WDR7: variants seen among roughly 807,000 people sequenced by gnomAD.
WDR7 encodes WD repeat domain 7.
In WDR7, 46 loss-of-function variants were observed where a neutral mutation model predicts 169.4. The observed-to-expected ratio is 0.27, with a 90% CI of 0.21 to 0.35. The LOEUF is 0.35. Ranked by LOEUF, WDR7 falls within the 10% of genes least tolerant of loss-of-function variation. WDR7 has a pLI of 1.00. For missense variants in WDR7, 1,534 were observed against 1,859.3 expected (o/e 0.83, Z 3.22); for synonymous variants, 612 against 666.8 (o/e 0.92, Z 1.27).
chr18:57,003,419 T>G (rs1002340182), intron 26 of WDR7, among the ~76,000 whole-genome samples: 2 of 152,114 alleles, frequency 1.3e-5, no homozygotes, highest in African/African-American at 4.8e-5. Flanking sequence ...AAAAGCACTC[T>G]TTTTAAAGTC....
intron 20 of WDR7, among the ~76,000 whole-genome samples, chr18:56,843,265 C>T (rs1410750934): frequency 1.3e-5 from 2 of 152,172 alleles, no homozygotes; most frequent in South Asian, 2.1e-4. Flanking sequence ...GCCAAATCAG[C>T]GGTGTTAAGT....
At chr18:56,703,558 G>A (rs1021398716) in intron 12 of WDR7, among the ~76,000 whole-genome samples, 1 of 152,078 alleles carries the variant, frequency 6.6e-6, no homozygotes. Flanking sequence ...ATAATGTTCT[G>A]TGTCATCCTT....
intron 23 of WDR7, among the ~76,000 whole-genome samples, chr18:56,937,834 C>G (rs2046980466): frequency 6.6e-6 from 1 of 152,144 alleles, no homozygotes; most frequent in African/African-American, 2.4e-5. Flanking sequence ...CTTAACTACT[C>G]TTAGCCCACT....
At chr18:56,843,056 C>G (rs1456106584) in intron 20 of WDR7, among the ~76,000 whole-genome samples, 1 of 152,124 alleles carries the variant, frequency 6.6e-6, no homozygotes, top group Non-Finnish European at 1.5e-5. Flanking sequence ...GGTGATTCAT[C>G]CCGTTACCTC....
At position 56,691,092 on chromosome 18, in the gene WDR7, T is replaced by C. The variant is rs142597917; in HGVS notation, c.718-124T>C. The C allele has an allele frequency of 3.7e-4, 494 of 1,351,864 alleles. 2 individuals carry two copies. In the African/African-American group the frequency reaches 7.0e-3, roughly 19 times the overall value. The allele number at this position is 1,351,864 out of a possible 1,614,324, so 83.7% of individuals were successfully genotyped here. On this transcript the variant is annotated intron_variant, in intron 7 of 27. Coordinates refer to ENST00000254442, the MANE Select transcript of WDR7 (RefSeq NM_015285.3). ...AGGGCTTATTGACAAACTTTCTTTA[T>C]CTGATGCAGCAAACTGAGTTTTCTA...
chr18:57,013,866 A>G (rs1226458939), intron 26 of WDR7, among the ~76,000 whole-genome samples: 1 of 152,228 alleles, frequency 6.6e-6, no homozygotes, highest in Non-Finnish European at 1.5e-5. Flanking sequence ...CAACAACTGT[A>G]CGAGTTTTTC....
At chr18:56,784,216 C>G (rs1303957623) in intron 19 of WDR7, among the ~76,000 whole-genome samples, 1 of 152,058 alleles carries the variant, frequency 6.6e-6, no homozygotes, top group South Asian at 2.1e-4. Context: ...GTGACAGACT[C>G]CAAAACTTAT....
rs1463929308 is a variant in WDR7, at chr18:57,010,636, TTAATC to T, written c.4165-10108_4165-10104del. On this transcript the variant is annotated intron_variant, in intron 26 of 27. Coordinates refer to ENST00000254442, the MANE Select transcript of WDR7 (RefSeq NM_015285.3). ...ATTTTCAAAGTATGATTCTATATAA[TTAATC>T]ATTTCAACATGCAAAGAAAAGACAT... is the stretch of plus-strand genomic sequence containing the variant. Among the ~76,000 whole-genome samples the T allele has an allele frequency of 2.0e-5, 3 of 151,990 alleles. No individual in the cohort carries two copies. The East Asian group carries it at 5.8e-4, about 29-fold the overall frequency.
rs925808255 is a variant in WDR7 at position 57,020,648 on chromosome 18, C to T, written c.4165-97C>T. The stretch of plus-strand genomic sequence containing the variant: ...AAAGAAGATAACAGCATCTAATACC[C>T]ATGACGTAACTTGTTCAACATTGAA... On this transcript the variant is annotated intron_variant, in intron 26 of 27. Coordinates refer to ENST00000254442, the MANE Select transcript of WDR7 (RefSeq NM_015285.3). 20 of 1,069,092 alleles carry T rather than the reference C, an allele frequency of 1.9e-5. No individual in the cohort carries two copies. In the East Asian group the frequency reaches 4.1e-4, roughly 22 times the overall value. The allele number at this position is 1,069,092 out of a possible 1,614,324, so 66.2% of individuals were successfully genotyped here. A position where few individuals can be genotyped will look rare whatever the true frequency, so the allele number is the denominator to read the frequency against.
At chr18:56,693,399 G>C (rs1432821634) in intron 9 of WDR7, among the ~76,000 whole-genome samples, 1 of 152,072 alleles carries the variant, frequency 6.6e-6, no homozygotes, top group East Asian at 1.9e-4. Context: ...AGATCCTAAT[G>C]AATGGTTTTT....
chr18:56,711,501 G>A (rs1239080636), intron 12 of WDR7, among the ~76,000 whole-genome samples: 2 of 151,884 alleles, frequency 1.3e-5, no homozygotes, highest in South Asian at 2.1e-4. Context: ...TAAGGAAGCA[G>A]TTGAAGAATT....
chr18:57,022,278 T>C (rs1345871660), intron 27 of WDR7, among the ~76,000 whole-genome samples: 1 of 152,248 alleles, frequency 6.6e-6, no homozygotes, highest in African/African-American at 2.4e-5. Context: ...CTCTGTTATG[T>C]CAGCTGTACC....
chr18:56,805,347 G>A (rs1456783263), intron 19 of WDR7, among the ~76,000 whole-genome samples: 1 of 152,122 alleles, frequency 6.6e-6, no homozygotes, highest in Non-Finnish European at 1.5e-5. Context: ...CACTTCCCCA[G>A]AATCGGGCTT....
chr18:56,998,100 G>A (rs988779156), intron 26 of WDR7, among the ~76,000 whole-genome samples: 3 of 152,132 alleles, frequency 2.0e-5, no homozygotes, highest in African/African-American at 7.2e-5. Context: ...TGGACATCAT[G>A]GGGCTTCTAA....
chr18:56,894,269 G>A (rs1791299190), intron 21 of WDR7, among the ~76,000 whole-genome samples: 1 of 151,920 alleles, frequency 6.6e-6, no homozygotes, highest in Non-Finnish European at 1.5e-5. Flanking sequence ...AACCTAATGT[G>A]GATCACATCC....
chr18:56,662,144 G>A (rs637781), intron 1 of WDR7, among the ~76,000 whole-genome samples: 139,694 of 152,168 alleles, frequency 0.92, 65,284 homozygotes, highest in East Asian at 1. Context: ...GCGCATCCTC[G>A]TGAGAGAAAA....
chr18:56,847,016 T>C (rs2045578414), intron 20 of WDR7, among the ~76,000 whole-genome samples: 1 of 152,076 alleles, frequency 6.6e-6, no homozygotes, highest in Admixed American at 6.6e-5. Flanking sequence ...CAGGCAGACG[T>C]TGGAAGCATT....
chr18:56,850,110 TTGAGTC>T (rs1446670776), intron 20 of WDR7, among the ~76,000 whole-genome samples: 2 of 152,220 alleles, frequency 1.3e-5, no homozygotes, highest in African/African-American at 4.8e-5. Context: ...TGGCTGATGA[TTGAGTC>T]TGAGCTCAGG....
intron 21 of WDR7, among the ~76,000 whole-genome samples, chr18:56,909,604 T>C (rs1383025522): frequency 6.6e-6 from 1 of 152,132 alleles, no homozygotes; most frequent in Non-Finnish European, 1.5e-5. Flanking sequence ...TTTTATATGT[T>C]TTATATATAA....
Sources: allele counts gnomAD v4.1 joint callset (sites outside exome capture counted in the v4.1 genomes callset), GRCh38; gene constraint gnomAD v4.1.1; transcripts MANE v1.5; gene names NCBI Gene and HGNC (gene_info 2026-07-23, HGNC 2026-07-21).